TENM4: variants seen among roughly 807,000 people sequenced by gnomAD.
TENM4 encodes teneurin-4.
A neutral mutation model predicts 243.3 loss-of-function variants in TENM4; 82 were observed. That is an observed-to-expected ratio of 0.34 (90% confidence interval 0.28 to 0.40). The LOEUF (loss-of-function observed/expected upper bound fraction) is 0.40. TENM4 is among the 10% of genes least tolerant of loss of function. TENM4 has a pLI of 1.00. For missense variants in TENM4, 3,138 were observed against 3,673.3 expected (o/e 0.85, Z 3.77); for synonymous variants, 1,412 against 1,456.3 (o/e 0.97, Z 0.69).
At chr11:78,819,934 G>T (rs911118537) in intron 12 of TENM4, among the ~76,000 whole-genome samples, 8 of 152,196 alleles carry the variant, frequency 5.3e-5, no homozygotes, top group African/African-American at 1.9e-4. Context: ...GAGGAGGATG[G>T]ATGATAATGC....
intron 2 of TENM4, among the ~76,000 whole-genome samples, chr11:79,227,878 C>T (rs1399256385): frequency 1.3e-5 from 2 of 152,166 alleles, no homozygotes; most frequent in Non-Finnish European, 2.9e-5. Context: ...ATTGGTGAAA[C>T]ACTGACATCT....
chr11:78,734,084 T>C (rs1790556), intron 20 of TENM4, among the ~76,000 whole-genome samples: 132,627 of 152,152 alleles, frequency 0.87, 58,574 homozygotes, highest in African/African-American at 0.93. Flanking sequence ...CCCAGCTACT[T>C]GGGAGGCTGA....
At chr11:79,310,627 G>A (rs1856703267) in intron 1 of TENM4, among the ~76,000 whole-genome samples, 1 of 152,202 alleles carries the variant, frequency 6.6e-6, no homozygotes, top group Non-Finnish European at 1.5e-5. Flanking sequence ...AATCAAAGTT[G>A]CCCTGTAGTT....
chr11:78,672,506 A>C (rs1173470136), intron 30 of TENM4, among the ~76,000 whole-genome samples, 177 bp from the exon 31 acceptor site: 39 of 152,216 alleles, frequency 2.6e-4, no homozygotes, highest in Admixed American at 2.6e-3. Context: ...AGCTCTGTGA[A>C]GTTTCCTCAC....
intron 2 of TENM4, among the ~76,000 whole-genome samples, chr11:79,272,234 G>A (rs1855980930): frequency 6.6e-6 from 1 of 152,132 alleles, no homozygotes; most frequent in Non-Finnish European, 1.5e-5. Context: ...GTCATTGCCT[G>A]GAAGCTGAGT....
chr11:78,704,159 CTATATATATA>C (rs56026926), intron 27 of TENM4, among the ~76,000 whole-genome samples: 1,939 of 106,018 alleles, frequency 0.018, 64 homozygotes, highest in African/African-American at 0.068. Flanking sequence ...GTATGTGTGT[CTATATATATA>C]TATATATATA....
intron 12 of TENM4, among the ~76,000 whole-genome samples, chr11:78,839,409 T>G (rs1858199328): frequency 6.6e-6 from 1 of 152,250 alleles, no homozygotes; most frequent in African/African-American, 2.4e-5. Flanking sequence ...TGATTTTTTT[T>G]GACTGGGGCA....
At chr11:79,156,147 TA>T (rs1016682062) in intron 3 of TENM4, among the ~76,000 whole-genome samples, 1 of 152,110 alleles carries the variant, frequency 6.6e-6, no homozygotes, top group African/African-American at 2.4e-5. Flanking sequence ...TGGGTGGTGT[TA>T]AAGGTATCCA....
chr11:78,672,436 AG>A, intron 30 of TENM4, 107 bp from the exon 31 acceptor site: 1 of 1,188,080 alleles, frequency 8.4e-7, no homozygotes, highest in Non-Finnish European at 1.2e-6. Flanking sequence ...TGAGTAGAGG[AG>A]GGAGCACAGT....
At chr11:79,387,007 A>C (rs1264175134) in intron 1 of TENM4, among the ~76,000 whole-genome samples, 1 of 152,210 alleles carries the variant, frequency 6.6e-6, no homozygotes, top group Non-Finnish European at 1.5e-5. Flanking sequence ...CCGAATGTCC[A>C]GCAAGAGCAG....
At chr11:78,840,622 G>A (rs1233204779) in intron 12 of TENM4, among the ~76,000 whole-genome samples, 1 of 152,156 alleles carries the variant, frequency 6.6e-6, no homozygotes, top group East Asian at 1.9e-4. Flanking sequence ...AATTGTAAAG[G>A]AGCTCTTCCC....
At chr11:79,333,349 G>A (rs180703895) in intron 1 of TENM4, among the ~76,000 whole-genome samples, 1 of 152,186 alleles carries the variant, frequency 6.6e-6, no homozygotes, top group East Asian at 1.9e-4. Flanking sequence ...CCTCTACTTT[G>A]CCATCATCTT....
chr11:79,199,687 G>A (rs1261255416), intron 3 of TENM4, among the ~76,000 whole-genome samples: 1 of 152,196 alleles, frequency 6.6e-6, no homozygotes, highest in African/African-American at 2.4e-5. Flanking sequence ...TGGTGCCCTT[G>A]TAGTCTAAGA....
intron 1 of TENM4, among the ~76,000 whole-genome samples, chr11:79,380,871 G>C (rs984592381): frequency 6.6e-6 from 1 of 152,196 alleles, no homozygotes; most frequent in Non-Finnish European, 1.5e-5. Flanking sequence ...AAGGAAGATC[G>C]AAGAATAGAG....
At chr11:79,426,252 A>G (rs1369596949) in intron 1 of TENM4, among the ~76,000 whole-genome samples, 2 of 152,194 alleles carry the variant, frequency 1.3e-5, no homozygotes, top group Non-Finnish European at 1.5e-5. Flanking sequence ...CACCAGGTAT[A>G]AGATATTCAA....
chr11:79,088,300 T>C (rs1368755831), intron 4 of TENM4, among the ~76,000 whole-genome samples: 1 of 152,174 alleles, frequency 6.6e-6, no homozygotes, highest in Non-Finnish European at 1.5e-5. Flanking sequence ...ATGGTGTTTC[T>C]AATGGAAAGC....
At chr11:79,368,911 T>C (rs768541415) in intron 1 of TENM4, among the ~76,000 whole-genome samples, 8 of 152,218 alleles carry the variant, frequency 5.3e-5, no homozygotes, top group Non-Finnish European at 1.0e-4. Flanking sequence ...GACAGGTACT[T>C]GGTACACAGT....
At chr11:79,246,946 T>C (rs369798167) in intron 2 of TENM4, among the ~76,000 whole-genome samples, 41 of 150,644 alleles carry the variant, frequency 2.7e-4, no homozygotes, top group African/African-American at 1.0e-3. Flanking sequence ...ACAGTACATG[T>C]ATGTGTTGTG....
chr11:79,181,198 T>G (rs908334490), intron 3 of TENM4, among the ~76,000 whole-genome samples: 2 of 152,090 alleles, frequency 1.3e-5, no homozygotes, highest in African/African-American at 4.8e-5. Flanking sequence ...TTCAACTAAA[T>G]ATTAGCAAAT....
Sources: gnomAD v4.1 joint callset for allele counts (sites outside exome capture counted in the v4.1 genomes callset) on GRCh38, gnomAD v4.1.1 for gene constraint, MANE v1.5 for transcripts, NCBI Gene and HGNC (gene_info 2026-07-23, HGNC 2026-07-21) for gene names.